RBPJ: variants seen among roughly 807,000 people sequenced by gnomAD.
RBPJ encodes recombining binding protein suppressor of hairless.
Under a neutral mutation model 67.8 loss-of-function variants are expected in RBPJ, and 9 were observed. The observed-to-expected ratio is 0.13, with a 90% CI of 0.08 to 0.23. RBPJ has a LOEUF of 0.23. Among genes scored for constraint, RBPJ ranks in the 10% least tolerant of loss-of-function variants. The pLI, the probability that RBPJ is intolerant of heterozygous loss-of-function variation, is 1.00. For missense variants in RBPJ, 305 were observed against 595.6 expected (o/e 0.51, Z 5.08); for synonymous variants, 198 against 203.3 (o/e 0.97, Z 0.22).
chr4:26,414,184 T>G (rs1005089875), intron 3 of RBPJ, among the ~76,000 whole-genome samples: 3 of 152,138 alleles, frequency 2.0e-5, no homozygotes, highest in Non-Finnish European at 2.9e-5. Context: ...TAATTTTTTT[T>G]TTTTTAAGAC....
intron 1 of RBPJ, among the ~76,000 whole-genome samples, chr4:26,287,077 G>A (rs1230686566): frequency 5.9e-5 from 9 of 152,094 alleles, no homozygotes; most frequent in Non-Finnish European, 8.8e-5. Context: ...GTGAGCCGCC[G>A]CACCTGGCCT....
chr4:26,425,585 G>A (rs1361326611), intron 7 of RBPJ, among the ~76,000 whole-genome samples: 1 of 152,026 alleles, frequency 6.6e-6, no homozygotes, highest in Non-Finnish European at 1.5e-5. Context: ...CTTTAGCCTG[G>A]GCAACAGAAT....
At chr4:26,221,379 C>T (rs1029279684) in intron 1 of RBPJ, among the ~76,000 whole-genome samples, 1 of 152,232 alleles carries the variant, frequency 6.6e-6, no homozygotes, top group African/African-American at 2.4e-5. Flanking sequence ...CAGGAGCCAC[C>T]GTGCCCGGCC....
intron 1 of RBPJ, among the ~76,000 whole-genome samples, chr4:26,278,157 G>A (rs1721143758): frequency 6.6e-6 from 1 of 152,068 alleles, no homozygotes; most frequent in Non-Finnish European, 1.5e-5. Context: ...TTGCTTCCCA[G>A]TTACTTTATA....
At chr4:26,422,041 G>A (rs1735188266) in intron 5 of RBPJ, among the ~76,000 whole-genome samples, 1 of 152,068 alleles carries the variant, frequency 6.6e-6, no homozygotes, top group African/African-American at 2.4e-5. Context: ...GAAGAAACTG[G>A]ATCATTTTTC....
At chr4:26,355,940 CTT>C (rs1446009972) in intron 1 of RBPJ, among the ~76,000 whole-genome samples, 3 of 152,144 alleles carry the variant, frequency 2.0e-5, no homozygotes, top group African/African-American at 7.2e-5. Flanking sequence ...CAGTTTTAAA[CTT>C]TTTAACTATG....
chr4:26,266,713 C>T (rs753462392), intron 1 of RBPJ, among the ~76,000 whole-genome samples: 14 of 151,868 alleles, frequency 9.2e-5, no homozygotes, highest in Non-Finnish European at 1.9e-4. Context: ...AATGTTAAGG[C>T]GCCATATTTG....
At chr4:26,351,209 T>C (rs1365187894) in intron 1 of RBPJ, among the ~76,000 whole-genome samples, 1 of 152,168 alleles carries the variant, frequency 6.6e-6, no homozygotes, top group Non-Finnish European at 1.5e-5. Context: ...TGTGGAAACA[T>C]TGTGTACATT....
chr4:26,136,930 C>A, the RBPJ span, among the ~76,000 whole-genome samples: 1 of 152,214 alleles, frequency 6.6e-6, no homozygotes, highest in Non-Finnish European at 1.5e-5. Flanking sequence ...GATCCCAAAA[C>A]TTGCCTTTGT....
intron 1 of RBPJ, among the ~76,000 whole-genome samples, chr4:26,183,351 G>A (rs1267089336): frequency 2.6e-5 from 4 of 152,188 alleles, no homozygotes; most frequent in African/African-American, 9.7e-5. Flanking sequence ...TGCGGCACAT[G>A]ACCGTACTCA....
chr4:26,361,587 C>A (rs913536900), intron 1 of RBPJ, among the ~76,000 whole-genome samples: 1 of 151,796 alleles, frequency 6.6e-6, no homozygotes, highest in Non-Finnish European at 1.5e-5. Flanking sequence ...TTATGGCTTG[C>A]GTGTATTAAA....
At chr4:26,417,647 A>G (rs1734725071) in intron 4 of RBPJ, among the ~76,000 whole-genome samples, 1 of 152,188 alleles carries the variant, frequency 6.6e-6, no homozygotes, top group Non-Finnish European at 1.5e-5. Context: ...AAACAATATA[A>G]TCATGTGCTT....
At chr4:26,413,134 C>T (rs1255417616) in intron 3 of RBPJ, 2 of 152,562 alleles carry the variant, frequency 1.3e-5, no homozygotes, top group Admixed American at 1.3e-4. Context: ...GCCTGTTAAT[C>T]CCCCTCTTGC....
chr4:26,331,321 A>G (rs901760786), intron 1 of RBPJ, among the ~76,000 whole-genome samples: 2 of 151,954 alleles, frequency 1.3e-5, no homozygotes, highest in South Asian at 2.1e-4. Context: ...TTCTGGGCTT[A>G]AGGGATCTGC....
intron 1 of RBPJ, among the ~76,000 whole-genome samples, chr4:26,386,033 T>G (rs918829362): frequency 6.6e-6 from 1 of 152,160 alleles, no homozygotes. Context: ...GCCTGACACA[T>G]GATAAACTTT....
Position 26,243,360 on chromosome 4 carries a change from C to T in RBPJ, c.-167+79746C>T, listed in dbSNP as rs568866421. On this transcript the variant is annotated intron_variant, in intron 1 of 4. Transcript: ENST00000512351. ...TGAAGTGAGTCTGTCACTGACAAAA[C>T]AACTGACTGTATTTGTTGCCAATGA... is the stretch of plus-strand genomic sequence containing the variant. Among the ~76,000 whole-genome samples, 4 of 152,312 alleles carry T rather than the reference C, an allele frequency of 2.6e-5. No homozygotes were observed. In the East Asian group the frequency reaches 7.7e-4, roughly 29 times the overall value.
the RBPJ span, among the ~76,000 whole-genome samples, chr4:26,154,262 C>T: frequency 3.5e-3 from 526 of 152,252 alleles, 1 homozygote; most frequent in South Asian, 5.2e-3. Context: ...TTTGGGACTT[C>T]GGGCAAGTTG....
At chr4:26,174,760 G>A (rs1248887759) in intron 1 of RBPJ, among the ~76,000 whole-genome samples, 3 of 152,142 alleles carry the variant, frequency 2.0e-5, no homozygotes, top group Non-Finnish European at 4.4e-5. Flanking sequence ...TTGAGCCACT[G>A]TGCCCGGCCC....
chr4:26,392,988 C>G (rs1296066490), intron 2 of RBPJ, among the ~76,000 whole-genome samples: 1 of 152,066 alleles, frequency 6.6e-6, no homozygotes, highest in Non-Finnish European at 1.5e-5. Context: ...GGCTAGAGTA[C>G]AGGTGCCTGC....
Sources: allele counts gnomAD v4.1 joint callset (sites outside exome capture counted in the v4.1 genomes callset), GRCh38; gene constraint gnomAD v4.1.1; transcripts MANE v1.5; gene names NCBI Gene and HGNC (gene_info 2026-07-23, HGNC 2026-07-21).